AGAP1: variants seen among roughly 807,000 people sequenced by gnomAD.
AGAP1 encodes ArfGAP with GTPase domain, ankyrin repeat and PH domain 1, also known as arf-GAP with GTPase, ANK repeat and PH domain-containing protein 1.
A neutral mutation model predicts 105.3 loss-of-function variants in AGAP1; 29 were observed. That is an observed-to-expected ratio of 0.28 (90% confidence interval 0.21 to 0.38). The LOEUF is 0.38. Among genes scored for constraint, AGAP1 ranks in the 10% least tolerant of loss-of-function variants. The pLI is 1.00. For synonymous variants in AGAP1, 509 were observed against 485.9 expected (o/e 1.05, Z -0.63); for missense variants, 998 against 1,165.1 (o/e 0.86, Z 2.09).
chr2:235,700,071 C>T lies in AGAP1; in HGVS notation c.164-9108C>T, dbSNP rs1950179453. ...TGTACTGCACTGGACCCAAAACCTG[C>T]CCTAGGAAGATGCTTGCAACAAAAC... On this transcript the variant is annotated intron_variant, in intron 1 of 17. Coordinates refer to ENST00000304032, the MANE Select transcript of AGAP1 (RefSeq NM_001037131.3). The surrounding 1 kb of genome is among the most constrained non-coding windows in gnomAD (Gnocchi z 6.1). Among the ~76,000 whole-genome samples the T allele has an allele frequency of 6.6e-6, 1 of 152,130 alleles. No individual in the cohort carries two copies. The highest frequency in any genetic ancestry group is 1.5e-5 in the Non-Finnish European group (1 of 68,016).
Position 236,051,343 on chromosome 2 carries a change from T to C in AGAP1, c.2114+2062T>C, listed in dbSNP as rs2057888392. On this transcript the variant is annotated intron_variant, in intron 16 of 17. Transcript: ENST00000304032. The surrounding 1 kb of genome is among the most constrained non-coding windows in gnomAD (Gnocchi z 5.9). ...CTCGTAGAAAAGCAACGGTGAGTGA[T>C]GATTGCAGTTCCCTGGTGATTGGTG... Among the ~76,000 whole-genome samples, 1 of 152,256 alleles carries C rather than the reference T, an allele frequency of 6.6e-6. No individual in the cohort carries two copies. The highest frequency in any genetic ancestry group is 6.5e-5 in the Admixed American group (1 of 15,288).
intron 12 of AGAP1, among the ~76,000 whole-genome samples, chr2:235,945,289 T>C (rs2053439615): frequency 6.6e-6 from 1 of 151,544 alleles, no homozygotes; most frequent in African/African-American, 2.4e-5. Context: ...TTTAGTAGAG[T>C]TGGGGGGGGG....
intron 8 of AGAP1, among the ~76,000 whole-genome samples, chr2:235,804,151 G>C (rs1425395338): frequency 6.6e-6 from 1 of 152,178 alleles, no homozygotes; most frequent in Non-Finnish European, 1.5e-5. Flanking sequence ...TCTCCTGCCT[G>C]TCTGCCTAGG....
At chr2:235,634,631 T>TG (rs2149293717) in intron 1 of AGAP1, among the ~76,000 whole-genome samples, 1 of 152,354 alleles carries the variant, frequency 6.6e-6, no homozygotes, top group South Asian at 2.1e-4. Context: ...GTAGGGAATC[T>TG]GGGGACAGCC....
chr2:235,849,472 G>A (rs539246258), intron 9 of AGAP1, among the ~76,000 whole-genome samples: 1 of 40,358 alleles, frequency 2.5e-5, no homozygotes, highest in Non-Finnish European at 4.4e-5. Flanking sequence ...AAGTTTTCAG[G>A]CAGTGACCTC....
intron 1 of AGAP1, among the ~76,000 whole-genome samples, chr2:235,567,464 A>G (rs1944383205): frequency 6.6e-6 from 1 of 152,072 alleles, no homozygotes; most frequent in Non-Finnish European, 1.5e-5. Flanking sequence ...TGTCCCTGGG[A>G]GAGGTTCTAC....
intron 13 of AGAP1, among the ~76,000 whole-genome samples, chr2:235,972,598 G>T (rs904929853): frequency 5.9e-5 from 9 of 152,158 alleles, no homozygotes; most frequent in South Asian, 2.1e-4. Context: ...GTGGTGACCG[G>T]GAAGGTGAGG....
At chr2:235,857,846 G>A (rs1336198962) in intron 9 of AGAP1, among the ~76,000 whole-genome samples, 1 of 152,198 alleles carries the variant, frequency 6.6e-6, no homozygotes, top group African/African-American at 2.4e-5. Flanking sequence ...AAAAGCGCTG[G>A]AAGAACCAGA....
At position 235,830,884 on chromosome 2, in the gene AGAP1, G is replaced by T. The variant is rs1433745630; in HGVS notation, c.1050+23553G>T. 6.6e-6 allele frequency among the ~76,000 whole-genome samples: 1 copy of T among 152,198 alleles called. No individual in the cohort carries two copies. The highest frequency in any genetic ancestry group is 1.5e-5 in the Non-Finnish European group (1 of 68,038). The stretch of plus-strand genomic sequence containing the variant: ...CTAACTAATAGAGTAGTTATTAGCT[G>T]GTTAGTTGTCTGCAGCTAAGCAGGA... On this transcript the variant is annotated intron_variant, in intron 9 of 17. Transcript: ENST00000304032. This position sits in a 1 kb window ranked among gnomAD's most constrained non-coding sequence, Gnocchi z 5.5.
intron 1 of AGAP1, among the ~76,000 whole-genome samples, chr2:235,694,825 G>A (rs1949921959): frequency 6.6e-6 from 1 of 152,092 alleles, no homozygotes; most frequent in African/African-American, 2.4e-5. Flanking sequence ...TGGGTGATTA[G>A]GAAGCAAACG....
intron 1 of AGAP1, among the ~76,000 whole-genome samples, chr2:235,707,134 A>T (rs1211540599): frequency 6.6e-6 from 1 of 152,164 alleles, no homozygotes; most frequent in Non-Finnish European, 1.5e-5. Flanking sequence ...TGTCAGTGGG[A>T]GGAGAGTAGA....
At chr2:235,790,658 A>G (rs1447654260) in intron 6 of AGAP1, among the ~76,000 whole-genome samples, 2 of 152,174 alleles carry the variant, frequency 1.3e-5, no homozygotes, top group Non-Finnish European at 2.9e-5. Context: ...ATGCATTTCT[A>G]GTTGCCTGTT....
rs373216833 is a variant in AGAP1, at chr2:235,734,526, GAAA to G, written c.311-6426_311-6424del. On this transcript the variant is annotated intron_variant, in intron 3 of 17. Transcript: ENST00000304032. This position sits in a 1 kb window ranked among gnomAD's most constrained non-coding sequence, Gnocchi z 5.3. ...TCATTTTCATCCTTAGCTCAGGCAT[GAAA>G]AAAAAAAAAAGAATAGTAAAAATTA... Among the ~76,000 whole-genome samples the G allele has an allele frequency of 3.9e-5, 5 of 128,802 alleles. No individual in the cohort carries two copies. The highest frequency in any genetic ancestry group is 8.4e-5 in the African/African-American group (3 of 35,898). 84.5% of individuals were successfully genotyped at this position (128,802 alleles called of 152,430 possible).
intron 15 of AGAP1, among the ~76,000 whole-genome samples, chr2:236,043,744 G>A (rs989714574): frequency 2.0e-5 from 3 of 150,170 alleles, no homozygotes; most frequent in East Asian, 4.1e-4. Context: ...AAAGTGGGGG[G>A]GGTGCTTAAT....
chr2:235,812,919 G>T (rs1037876591), intron 9 of AGAP1, among the ~76,000 whole-genome samples: 2 of 152,254 alleles, frequency 1.3e-5, no homozygotes, highest in African/African-American at 4.8e-5. Context: ...AATTTACAGA[G>T]TGAACTGCCG....
At chr2:235,682,633 C>T (rs1286282567) in intron 1 of AGAP1, among the ~76,000 whole-genome samples, 1 of 152,102 alleles carries the variant, frequency 6.6e-6, no homozygotes, top group Non-Finnish European at 1.5e-5. Flanking sequence ...GCCTGATCCA[C>T]CATGCCTGGC....
intron 1 of AGAP1, among the ~76,000 whole-genome samples, chr2:235,512,546 A>G (rs762415788): frequency 6.6e-6 from 1 of 152,152 alleles, no homozygotes; most frequent in African/African-American, 2.4e-5. Flanking sequence ...GTGAGCCATG[A>G]TTGCACCACT....
intron 11 of AGAP1, among the ~76,000 whole-genome samples, chr2:235,915,703 A>G (rs1189158407): frequency 6.6e-6 from 1 of 152,224 alleles, no homozygotes; most frequent in Admixed American, 6.5e-5. Flanking sequence ...AAAATACTAT[A>G]GGAGAAAAAG....
intron 13 of AGAP1, among the ~76,000 whole-genome samples, chr2:236,032,634 G>A (rs1299725853): frequency 6.6e-6 from 1 of 152,158 alleles, no homozygotes; most frequent in Non-Finnish European, 1.5e-5. Context: ...GCGTGCACGT[G>A]TCTGCTTTGC....
Sources: allele counts gnomAD v4.1 joint callset (sites outside exome capture counted in the v4.1 genomes callset), GRCh38; gene constraint gnomAD v4.1.1; non-coding constraint Gnocchi (gnomAD v3.1); transcripts MANE v1.5; gene names NCBI Gene and HGNC (gene_info 2026-07-23, HGNC 2026-07-21).